CENPC: variants seen among roughly 807,000 people sequenced by gnomAD.
CENPC encodes CENP-C 1.
In CENPC, 63 loss-of-function variants were observed where a neutral mutation model predicts 112.1. The ratio of observed to expected loss-of-function variants is 0.56; its 90% CI spans 0.46 to 0.69. CENPC has a LOEUF of 0.69. Among genes scored for constraint, CENPC ranks in the 30% least tolerant of loss-of-function variants. The probability of loss-of-function intolerance (pLI) is 0.00; values close to 1 mark genes in which losing one functional copy is unlikely to be tolerated. For synonymous variants in CENPC, 333 were observed against 367.6 expected, an observed-to-expected ratio of 0.91 and a Z score of 1.08; for missense variants, 1,000 against 1,103.8, an observed-to-expected ratio of 0.91 and a Z score of 1.33.
chr4:67,542,671 G>A (rs1726920877), intron 2 of CENPC, among the ~76,000 whole-genome samples: 1 of 152,104 alleles, frequency 6.6e-6, no homozygotes, highest in Non-Finnish European at 1.5e-5. Flanking sequence ...TTTGCAGATA[G>A]GCAAACTGAA....
At chr4:67,491,501 A>AGG (rs1725272998) in intron 16 of CENPC, among the ~76,000 whole-genome samples, 1 of 132,968 alleles carries the variant, frequency 7.5e-6, no homozygotes, top group Admixed American at 7.6e-5. Flanking sequence ...AGAGAGAGAG[A>AGG]GAGAGAGAGA....
intron 5 of CENPC, among the ~76,000 whole-genome samples, chr4:67,525,665 G>A (rs1030115726): frequency 3.3e-5 from 5 of 152,118 alleles, no homozygotes; most frequent in African/African-American, 1.2e-4. Flanking sequence ...AAAAAGACAA[G>A]AAACAACAGA....
At chr4:67,506,746 T>A in intron 11 of CENPC, 42 bp downstream of exon 11, 1 of 1,443,954 alleles carries the variant, frequency 6.9e-7, no homozygotes, top group Admixed American at 2.4e-5. Context: ...CAGCAATGGG[T>A]AACTAATATA....
chr4:67,490,833 AATAAATAT>A (rs1484543758), intron 16 of CENPC, among the ~76,000 whole-genome samples: 4 of 104,528 alleles, frequency 3.8e-5, no homozygotes, highest in South Asian at 6.8e-4. Context: ...ATGATATAGA[AATAAATAT>A]ATATATATAT....
rs750957166 is a variant in CENPC, at chr4:67,545,323, G to A, written c.18+15C>T. On this transcript the variant is annotated intron_variant, in intron 1 of 18. Coordinates refer to ENST00000273853, the MANE Select transcript of CENPC (RefSeq NM_001812.4). ...CCGCTCAACCACTCGCCTGGAGCGG[G>A]GGGCCTGCACTTACCAGACCGGACG... 7 of 1,471,832 alleles carry A rather than the reference G, an allele frequency of 4.8e-6. No individual in the cohort carries two copies. The highest frequency in any genetic ancestry group is 2.8e-5 in the East Asian group (1 of 35,324). The allele number at this position is 1,471,832 out of a possible 1,614,324, so 91.2% of individuals were successfully genotyped here.
In CENPC at chr4:67,469,514, T is replaced by G. The variant is rs6818417; in HGVS notation, c.*3091A>C. Reference sequence around the variant, plus strand: ...GCACCTGCCATCATGCCCGGCTAACTTTTGTATTTTAGTAGAGACGGGGTT... The same window carrying G: ...GCACCTGCCATCATGCCCGGCTAACGTTTGTATTTTAGTAGAGACGGGGTT... On this transcript the variant is annotated 3_prime_UTR_variant, in exon 19 of 19. Transcript: ENST00000273853. The G allele has an allele frequency of 0.63, 95,306 of 152,164 alleles. 30,068 individuals are homozygous for G. Among genetic ancestry groups the G allele is most frequent in the East Asian group, 0.81 (4,206 of 5,172 alleles). The allele number at this position is 152,164 out of a possible 1,614,324, so 9.4% of individuals were successfully genotyped here. A position where few individuals can be genotyped will look rare whatever the true frequency, so the allele number is the denominator to read the frequency against.
rs34160703 is a variant in CENPC at position 67,508,513 on chromosome 4, TAAAA to T, written c.1904+297_1904+300del. Among the ~76,000 whole-genome samples the T allele has an allele frequency of 4.7e-4, 43 of 91,156 alleles. 1 individual carries two copies. The highest frequency in any genetic ancestry group is 3.0e-4 in the Non-Finnish European group (15 of 50,134). The allele number at this position is 91,156 out of a possible 152,430, so 59.8% of individuals were successfully genotyped here. A position where few individuals can be genotyped will look rare whatever the true frequency, so the allele number is the denominator to read the frequency against. On this transcript the variant is annotated intron_variant, in intron 10 of 18. Transcript: ENST00000273853. ...GGAAACAGAGGAAGACTCTGTCTCT[TAAAA>T]AAAAAAAAAAAAAAAAAAAGTTTAA... is the stretch of plus-strand genomic sequence containing the variant.
At chr4:67,479,919 C>T (rs1327923315) in intron 17 of CENPC, among the ~76,000 whole-genome samples, 2 of 152,154 alleles carry the variant, frequency 1.3e-5, no homozygotes. Context: ...CAGATAAATT[C>T]CTGGAAATAT....
At chr4:67,476,456 G>A (rs2109759239) in intron 17 of CENPC, among the ~76,000 whole-genome samples, 1 of 151,436 alleles carries the variant, frequency 6.6e-6, no homozygotes, top group African/African-American at 2.4e-5. Flanking sequence ...AATTGAGAGA[G>A]CCAAGGGAAA....
chr4:67,510,921 T>C (rs1725876494), intron 9 of CENPC: 1 of 443,014 alleles, frequency 2.3e-6, no homozygotes, highest in Non-Finnish European at 4.5e-6. Flanking sequence ...AAGTGTTTTT[T>C]GATAGTTTCA....
At chr4:67,537,244 A>C (rs1157087) in intron 4 of CENPC, among the ~76,000 whole-genome samples, 32,932 of 152,080 alleles carry the variant, frequency 0.22, 3,586 homozygotes, top group South Asian at 0.27. Context: ...TTGTCTACTG[A>C]AACTATTAAG....
rs780742538 is a variant in CENPC at position 67,512,553 on chromosome 4, G to A, written c.1461C>T (p.Ser487=). ...QMPPVGSKKS[S]TRKDKEESKK... is the part of the protein sequence containing the mutation. ...TAGATTCTTCCTTATCTTTTCTAGT[G>A]CTACTTTTCTTGCTTCCTAAAATAA... The change falls in exon 9 of 19, where the codon AGC becomes AGT. Residue 487 remains serine, a synonymous_variant. Transcript: ENST00000273853. 2 of 1,523,772 alleles carry A rather than the reference G, an allele frequency of 1.3e-6. No homozygotes were observed. Among genetic ancestry groups the A allele is most frequent in the Non-Finnish European group, 1.8e-6 (2 of 1,140,928 alleles). 94.4% of individuals were successfully genotyped at this position (1,523,772 alleles called of 1,614,324 possible). A position where few individuals can be genotyped will look rare whatever the true frequency, so the allele number is the denominator to read the frequency against.
At chr4:67,483,588 G>T (rs1279943375) in intron 17 of CENPC, among the ~76,000 whole-genome samples, 1 of 151,790 alleles carries the variant, frequency 6.6e-6, no homozygotes, top group Non-Finnish European at 1.5e-5. Flanking sequence ...TCTCAGGCAG[G>T]TCCCTCAGTA....
At chr4:67,513,882 T>C (rs542235576) in intron 8 of CENPC, among the ~76,000 whole-genome samples, 192 bp downstream of exon 8, 1 of 152,076 alleles carries the variant, frequency 6.6e-6, no homozygotes, top group Non-Finnish European at 1.5e-5. Context: ...TCTCACAAGA[T>C]AAACAAAAAC....
chr4:67,471,884 A>G lies in CENPC; in HGVS notation c.*721T>C, dbSNP rs528235590. 1.6e-4 allele frequency: 25 copies of G among 152,506 alleles called. No individual in the cohort carries two copies. Among genetic ancestry groups the G allele is most frequent in the African/African-American group, 5.5e-4 (23 of 41,570 alleles). 9.4% of individuals were successfully genotyped at this position (152,506 alleles called of 1,614,324 possible). A position where few individuals can be genotyped will look rare whatever the true frequency, so the allele number is the denominator to read the frequency against. ...CTGCCTCCAACAGAAAATATGAACC[A>G]AAAAGCATAATGGAAAAACATTTAC... On this transcript the variant is annotated 3_prime_UTR_variant, in exon 19 of 19. Coordinates refer to ENST00000273853, the MANE Select transcript of CENPC (RefSeq NM_001812.4).
chr4:67,495,339 A>G, intron 12 of CENPC, 127 bp from the exon 13 acceptor site: 1 of 868,420 alleles, frequency 1.2e-6, no homozygotes, highest in Non-Finnish European at 1.7e-6. Context: ...GTATTTTATT[A>G]CTCCTTTTGC....
At chr4:67,491,470 TATATATATATAGAGAGAG>T (rs1423345659) in intron 16 of CENPC, among the ~76,000 whole-genome samples, 40 of 47,440 alleles carry the variant, frequency 8.4e-4, no homozygotes, top group African/African-American at 2.3e-3. Flanking sequence ...TATATATATA[TATATATATATAGAGAGAG>T]AGAGAGAGAG....
chr4:67,498,199 C>T (rs1320472094), intron 12 of CENPC, among the ~76,000 whole-genome samples: 4 of 152,150 alleles, frequency 2.6e-5, no homozygotes, highest in Non-Finnish European at 5.9e-5. Flanking sequence ...CACACCACTG[C>T]ACTCCAGCCT....
rs141181388 is a variant in CENPC at position 67,527,896 on chromosome 4, C to T, written c.331+2919G>A. 3.1e-3 allele frequency among the ~76,000 whole-genome samples: 476 copies of T among 152,094 alleles called. 2 individuals carry two copies. Among genetic ancestry groups the T allele is most frequent in the African/African-American group, 0.011 (444 of 41,480 alleles). ...AACTAAATTTACCCCAAACTACCCA[C>T]AATTATTATTTTAAGTGGCACAGTA... is the stretch of plus-strand genomic sequence containing the variant. On this transcript the variant is annotated intron_variant, in intron 5 of 18. Coordinates refer to ENST00000273853, the MANE Select transcript of CENPC (RefSeq NM_001812.4).
Sources: allele counts gnomAD v4.1 joint callset (sites outside exome capture counted in the v4.1 genomes callset), GRCh38; gene constraint gnomAD v4.1.1; transcripts MANE v1.5; gene names NCBI Gene and HGNC (gene_info 2026-07-23, HGNC 2026-07-21).